The following PARP6 variants were observed in gnomAD, a reference collection of about 807,000 sequenced individuals.
PARP6 encodes the protein protein mono-ADP-ribosyltransferase PARP6.
Under a neutral mutation model 92.0 loss-of-function variants are expected in PARP6, and 27 were observed. That is an observed-to-expected ratio of 0.29 (90% CI 0.22 to 0.40). PARP6 has a LOEUF of 0.40. PARP6 is among the 10% of genes least tolerant of loss of function. PARP6 has a pLI of 1.00. For synonymous variants in PARP6, 272 were observed against 281.2 expected (o/e 0.97, Z 0.33); for missense variants, 501 against 784.5 (o/e 0.64, Z 4.32).
intron 16 of PARP6, among the ~76,000 whole-genome samples, chr15:72,252,685 A>G (rs2140966727): frequency 6.6e-6 from 1 of 152,212 alleles, no homozygotes; most frequent in East Asian, 1.9e-4. Flanking sequence ...GGGTTTCTCC[A>G]TGTTGGTCAG....
chr15:72,260,805 A>G (rs903233996), intron 9 of PARP6, 117 bp from the exon 10 acceptor site: 4 of 744,112 alleles, frequency 5.4e-6, no homozygotes, highest in Admixed American at 2.1e-5. Flanking sequence ...AGACAAACTC[A>G]TATCTGAGGA....
Position 72,257,330 on chromosome 15 carries a change from C to A in PARP6, c.999+18G>T. On this transcript the variant is annotated intron_variant, in intron 13 of 23. Coordinates refer to ENST00000569795, the MANE Select transcript of PARP6 (RefSeq NM_001323532.2). ...TTTCTTGATCCCAATTCCCCAGCCA[C>A]GTTTCCCTCCCCCATACCTCTGCTC... The A allele has an allele frequency of 6.3e-7, 1 of 1,580,138 alleles. No homozygotes were observed. The highest frequency in any genetic ancestry group is 8.7e-7 in the Non-Finnish European group (1 of 1,149,234).
intron 5 of PARP6, 80 bp from the exon 6 acceptor site, chr15:72,265,553 G>A (rs1222792799): frequency 4.5e-6 from 5 of 1,105,190 alleles, no homozygotes; most frequent in Non-Finnish European, 7.0e-6. Context: ...AAAGAGAACT[G>A]AGCCTGGGGA....
chr15:72,259,619 A>T lies in PARP6; in HGVS notation c.799T>A (p.Phe267Ile). Reference protein sequence around the residue: ...CKNIPTLEYGFLVQIMKYAEQ... With the variant: ...CKNIPTLEYGILVQIMKYAEQ... ...TTTGACTTGATTACCTGAACGAGGA[A>T]TCCATACTCCAGAGTGGGAATGTTC... The change falls in exon 11 of 24, where the codon TTC becomes ATC. Residue 267 changes from phenylalanine to isoleucine, a missense_variant. By Grantham distance (21) the Phe-to-Ile change is conservative. This residue lies in a region of PARP6 where 291 missense variants were observed against 352.0 expected (regional missense o/e 0.83). Transcript: ENST00000569795. The T allele has an allele frequency of 6.2e-7, 1 of 1,614,124 alleles. No homozygotes were observed. Among genetic ancestry groups the T allele is most frequent in the East Asian group, 2.2e-5 (1 of 44,880 alleles).
intron 11 of PARP6, among the ~76,000 whole-genome samples, chr15:72,258,728 TTTG>T (rs1235320884): frequency 1.3e-5 from 2 of 152,196 alleles, no homozygotes; most frequent in Non-Finnish European, 2.9e-5. Context: ...CAGCGTTTTT[TTTG>T]TTGTTGTTGT....
chr15:72,246,567 C>G (rs2083628028), intron 20 of PARP6, among the ~76,000 whole-genome samples: 1 of 152,166 alleles, frequency 6.6e-6, no homozygotes, highest in Non-Finnish European at 1.5e-5. Flanking sequence ...TGGAGGTAAT[C>G]ACTATCCTGC....
Position 72,264,631 on chromosome 15 carries a change from G to A in PARP6, c.329-10C>T. 2 of 1,611,034 alleles carry A rather than the reference G, an allele frequency of 1.2e-6. No individual in the cohort carries two copies. Among genetic ancestry groups the A allele is most frequent in the Non-Finnish European group, 1.7e-6 (2 of 1,177,206 alleles). Reference sequence around the variant, plus strand: ...ACCTCAATGGATGGTTCTGCAAAGAGAAGAGAAGGCTACTAGTAAGTACAT... The same window carrying A: ...ACCTCAATGGATGGTTCTGCAAAGAAAAGAGAAGGCTACTAGTAAGTACAT... On this transcript the variant is annotated splice_polypyrimidine_tract_variant and intron_variant, in intron 7 of 23. Transcript: ENST00000569795.
rs200733958 is a variant in PARP6 at position 72,246,763 on chromosome 15, T to TA, written c.1561+2481_1561+2482insT. Among the ~76,000 whole-genome samples the TA allele has an allele frequency of 3.5e-3, 513 of 148,482 alleles. 4 individuals carry two copies. Among genetic ancestry groups the TA allele is most frequent in the South Asian group, 0.018 (86 of 4,770 alleles). On this transcript the variant is annotated intron_variant, in intron 20 of 23. Coordinates refer to ENST00000569795, the MANE Select transcript of PARP6 (RefSeq NM_001323532.2). ...TCTTATTGAACATATTTATTATTAT[T>TA]TTTTTTTTTGAGATGGAGTCTTGCT...
At chr15:72,252,040 A>T (rs1297255918) in intron 16 of PARP6, among the ~76,000 whole-genome samples, 1 of 152,246 alleles carries the variant, frequency 6.6e-6, no homozygotes, top group Admixed American at 6.5e-5. Flanking sequence ...AAGGCTGACT[A>T]GGAAGAGGGA....
chr15:72,264,703 A>G (rs1290152900), intron 7 of PARP6, 82 bp from the exon 8 acceptor site: 2 of 1,081,044 alleles, frequency 1.9e-6, no homozygotes, highest in East Asian at 2.4e-5. Flanking sequence ...TAGCTTCCAT[A>G]CATTCTAAAG....
Position 72,267,611 on chromosome 15 carries a change from A to T in PARP6, c.-134T>A, listed in dbSNP as rs2086770966. 2.3e-6 allele frequency: 2 copies of T among 883,874 alleles called. No individual in the cohort carries two copies. The highest frequency in any genetic ancestry group is 3.8e-6 in the Non-Finnish European group (2 of 530,968). The allele number at this position is 883,874 out of a possible 1,614,324, so 54.8% of individuals were successfully genotyped here. ...GACAAGGTAGGGCACGATGTCAGGG[A>T]CAACTGGTGATCTGTTGGGGATGGC... On this transcript the variant is annotated 5_prime_UTR_variant, in exon 3 of 24. Coordinates refer to ENST00000569795, the MANE Select transcript of PARP6 (RefSeq NM_001323532.2).
chr15:72,246,173 G>A (rs1042920982), intron 20 of PARP6, among the ~76,000 whole-genome samples: 14 of 151,960 alleles, frequency 9.2e-5, no homozygotes, highest in Non-Finnish European at 8.8e-5. Context: ...TTTTTGAGAC[G>A]GAGTCTCACT....
chr15:72,250,551 TG>T lies in PARP6; in HGVS notation c.1418+293del, dbSNP rs1270962527. 3.4e-5 allele frequency: 13 copies of T among 381,748 alleles called. No individual in the cohort carries two copies. In the East Asian group the frequency reaches 5.6e-4, roughly 17 times the overall value. The allele number at this position is 381,748 out of a possible 1,614,324, so 23.6% of individuals were successfully genotyped here. A position where few individuals can be genotyped will look rare whatever the true frequency, so the allele number is the denominator to read the frequency against. ...TCCTCTCAAAATTAGGCATAAATTG[TG>T]GATTTTTCCATCAAAGTAGCTTTCA... On this transcript the variant is annotated intron_variant, in intron 18 of 23. Coordinates refer to ENST00000569795, the MANE Select transcript of PARP6 (RefSeq NM_001323532.2).
At chr15:72,254,357 C>A (rs2084777645) in intron 15 of PARP6, 98 bp downstream of exon 15, 2 of 824,772 alleles carry the variant, frequency 2.4e-6, no homozygotes, top group Non-Finnish European at 4.1e-6. Flanking sequence ...CAGTGCGTAG[C>A]ATCTCTAAAT....
At chr15:72,255,471 C>CT (rs200101954) in intron 14 of PARP6, among the ~76,000 whole-genome samples, 2,276 of 152,142 alleles carry the variant, frequency 0.015, 56 homozygotes, top group African/African-American at 0.052. Flanking sequence ...CCAGGCTGGT[C>CT]TTTAACTCCT....
intron 11 of PARP6, among the ~76,000 whole-genome samples, chr15:72,258,554 G>C (rs796703240): frequency 5.9e-5 from 9 of 152,266 alleles, no homozygotes; most frequent in African/African-American, 1.9e-4. Flanking sequence ...TGTAATTATA[G>C]GCTGTCCCTC....
rs757844289 is a variant in PARP6 at position 72,259,700 on chromosome 15, T to A, written c.757-39A>T. The A allele has an allele frequency of 5.7e-6, 9 of 1,592,232 alleles. No individual in the cohort carries two copies. The Admixed American group carries it at 1.0e-4, about 18-fold the overall frequency. ...AAAGACAGACCCCGTGAACCTCCTA[T>A]GAAGCTGGGGCCTAGACAGACCTGA... On this transcript the variant is annotated intron_variant, in intron 10 of 23. Coordinates refer to ENST00000569795, the MANE Select transcript of PARP6 (RefSeq NM_001323532.2).
rs2086413456 is a variant in PARP6, at chr15:72,265,161, G to C, written c.248C>G (p.Ser83Cys). ...INISFLDEEV[S>C]TAWKVLRTEP... is the part of the protein sequence containing the mutation. Reference sequence around the variant, plus strand: ...TGTCCGGAGGACCTTCCAGGCTGTAGAGACTTCCTCCTAAAAGAAGAAGGG... The same window carrying C: ...TGTCCGGAGGACCTTCCAGGCTGTACAGACTTCCTCCTAAAAGAAGAAGGG... Residue 83 changes from serine (S) to cysteine (C), a missense_variant, in exon 7 of 24, where the codon TCT becomes TGT. Ser to Cys is a moderately radical substitution (Grantham distance 112). Transcript: ENST00000569795. The C allele has an allele frequency of 6.2e-7, 1 of 1,610,824 alleles. No homozygotes were observed. Among genetic ancestry groups the C allele is most frequent in the African/African-American group, 1.3e-5 (1 of 74,864 alleles).
At chr15:72,271,870 T>C (rs539307385) in intron 1 of PARP6, among the ~76,000 whole-genome samples, 158 of 152,280 alleles carry the variant, frequency 1.0e-3, no homozygotes, top group African/African-American at 3.6e-3. Flanking sequence ...ATAAGTCAAA[T>C]GTAAATGAGC....
Sources: gnomAD v4.1 joint callset for allele counts (sites outside exome capture counted in the v4.1 genomes callset) on GRCh38, gnomAD v4.1.1 for gene constraint, gnomAD v4.1.1 regional missense constraint, MANE v1.5 for transcripts, NCBI Gene and HGNC (gene_info 2026-07-23, HGNC 2026-07-21) for gene names.